AMELX: variants seen among roughly 807,000 people sequenced by gnomAD.
AMELX encodes amelogenin, X isoform.
In AMELX, 9 loss-of-function variants were observed where a neutral mutation model predicts 15.8. That is an observed-to-expected ratio of 0.57 (90% CI 0.34 to 0.99). AMELX has a LOEUF of 0.99. Ranked by LOEUF, AMELX falls within the 50% of genes least tolerant of loss-of-function variation. The pLI is 0.02. For missense variants in AMELX, 107 were observed against 156.2 expected (o/e 0.68, Z 1.68); for synonymous variants, 61 against 58.8 (o/e 1.04, Z -0.17).
downstream of AMELX, among the ~76,000 whole-genome samples, chrX:11,304,053 G>T (rs1603047908): frequency 1.8e-5 from 2 of 110,953 alleles, no homozygotes; most frequent in Non-Finnish European, 3.8e-5. Flanking sequence ...GATATGACAT[G>T]GAAGTTTTTG....
the AMELX span, among the ~76,000 whole-genome samples, chrX:11,306,726 T>A: frequency 1.4e-4 from 16 of 112,571 alleles, no homozygotes; most frequent in Non-Finnish European, 2.4e-4. Context: ...TCTATAGCTA[T>A]TTTTAATGGC....
the AMELX span, among the ~76,000 whole-genome samples, chrX:11,306,745 A>G: frequency 8.9e-6 from 1 of 112,441 alleles, no homozygotes; most frequent in Non-Finnish European, 1.9e-5. Flanking sequence ...GCAAATGTAA[A>G]TTCAACTCCA....
At chrX:11,297,058 G>A (rs764791490) in intron 3 of AMELX, among the ~76,000 whole-genome samples, 6 of 111,622 alleles carry the variant, frequency 5.4e-5, no homozygotes, top group Non-Finnish European at 7.5e-5. Context: ...AAATATGGCC[G>A]TAAGCTTACC....
intron 2 of AMELX, 47 bp from the exon 3 acceptor site, chrX:11,296,732 C>T (rs1401597423): frequency 1.2e-5 from 14 of 1,138,875 alleles, no homozygotes; most frequent in Non-Finnish European, 1.6e-5. Flanking sequence ...CCTTCACTCT[C>T]TCCCTTCCTC....
At chrX:11,300,565 A>G (rs779253128) in intron 5 of AMELX, 42 bp from the exon 6 acceptor site, 2 of 1,127,253 alleles carry the variant, frequency 1.8e-6, no homozygotes, top group Admixed American at 4.4e-5. Flanking sequence ...CACTAGGAAC[A>G]TTTGTAAATT....
At chrX:11,296,716 T>C in intron 2 of AMELX, 63 bp from the exon 3 acceptor site, 1 of 1,105,718 alleles carries the variant, frequency 9.0e-7, no homozygotes, top group Non-Finnish European at 1.2e-6. Context: ...TCCTCTCTCT[T>C]CTCTTCCTTC....
the AMELX span, among the ~76,000 whole-genome samples, chrX:11,306,113 C>T: frequency 2.7e-5 from 3 of 111,642 alleles, no homozygotes; most frequent in Non-Finnish European, 3.8e-5. Flanking sequence ...CACTGCTCTA[C>T]GTTGGCTGGC....
the AMELX span, among the ~76,000 whole-genome samples, chrX:11,308,944 T>G: frequency 8.9e-6 from 1 of 112,063 alleles, no homozygotes; most frequent in African/African-American, 3.2e-5. Context: ...AATATTCCAA[T>G]AAGCCTGGTT....
At chrX:11,303,950 A>C (rs1200906144), downstream of AMELX, among the ~76,000 whole-genome samples, 2 of 112,227 alleles carry the variant, frequency 1.8e-5, no homozygotes, top group Non-Finnish European at 3.8e-5. Flanking sequence ...TGTTAGCTAC[A>C]GTTCTTGTAA....
chrX:11,298,589 C>T lies in AMELX; in HGVS notation c.186C>T (p.His62=). 1 of 1,211,389 alleles carries T rather than the reference C, an allele frequency of 8.3e-7. No individual in the cohort carries two copies. The highest frequency in any genetic ancestry group is 1.1e-6 in the Non-Finnish European group (1 of 895,501). The change falls in exon 5 of 6, where the codon CAC becomes CAT. Residue 62 remains histidine (H), a synonymous_variant. Transcript: ENST00000380714. ...ACGAGCCCATGGGTGGATGGCTGCA[C>T]CACCAAATCATCCCCGTGCTGTCCC... The part of the protein sequence containing the change: ...YGYEPMGGWL[H]HQIIPVLSQQ...
At chrX:11,302,244 A>G (rs993049234), downstream of AMELX, among the ~76,000 whole-genome samples, 10 of 112,530 alleles carry the variant, frequency 8.9e-5, no homozygotes, top group African/African-American at 3.2e-4. Flanking sequence ...TATTTCCATC[A>G]CCATTCAGTT....
intron 3 of AMELX, 23 bp from the exon 4 acceptor site, chrX:11,298,213 T>C: frequency 8.3e-7 from 1 of 1,210,765 alleles, no homozygotes; most frequent in Non-Finnish European, 1.1e-6. Flanking sequence ...ATCAAATGGG[T>C]TCTAATATCT....
downstream of AMELX, among the ~76,000 whole-genome samples, chrX:11,303,704 G>A (rs2048199362): frequency 9.0e-6 from 1 of 111,463 alleles, no homozygotes; most frequent in Non-Finnish European, 1.9e-5. Flanking sequence ...GCAGGCTCTG[G>A]GGGTGTCAGT....
chrX:11,309,434 C>T, the AMELX span, among the ~76,000 whole-genome samples: 6 of 110,718 alleles, frequency 5.4e-5, no homozygotes, highest in Admixed American at 2.9e-4. Flanking sequence ...ACTAGAGGAT[C>T]TCGGAGGGAG....
chrX:11,297,538 T>G (rs1201643738), intron 3 of AMELX, among the ~76,000 whole-genome samples: 2 of 112,475 alleles, frequency 1.8e-5, no homozygotes, highest in Non-Finnish European at 3.8e-5. Flanking sequence ...TTGTATCGAT[T>G]AAATGCCGTA....
At position 11,298,963 on chromosome X, in the gene AMELX, G is replaced by A. The variant is rs1056143468; in HGVS notation, c.560G>A (p.Arg187Gln). 8 of 1,209,524 alleles carry A rather than the reference G, an allele frequency of 6.6e-6. No individual in the cohort carries two copies. Among genetic ancestry groups the A allele is most frequent in the Admixed American group, 4.4e-5 (2 of 45,857 alleles). Residue 187 changes from arginine to glutamine, a missense_variant, in exon 5 of 6, where the codon CGG becomes CAG. Coordinates refer to ENST00000380714, the MANE Select transcript of AMELX (RefSeq NM_001142.2). ...TGGCCATCAACAGACAAGACCAAGC[G>A]GGAGGAAGTGGTGAGTATATTTTGA... ...EAWPSTDKTKREEVD is the reference protein window; with the variant it reads ...EAWPSTDKTKQEEVD
chrX:11,301,962 A>G (rs773239732), downstream of AMELX, among the ~76,000 whole-genome samples: 4 of 112,330 alleles, frequency 3.6e-5, no homozygotes, highest in African/African-American at 1.3e-4. Context: ...CAATCCCAGC[A>G]TTCAGCCACG....
intron 3 of AMELX, 85 bp downstream of exon 3, chrX:11,296,911 TC>T: frequency 1.8e-6 from 2 of 1,089,333 alleles, no homozygotes; most frequent in Non-Finnish European, 2.5e-6. Context: ...TGATTCTTTA[TC>T]CCAGATGTTT....
At position 11,296,959 on chromosome X, in the gene AMELX, C is replaced by T. The variant is rs188865418; in HGVS notation, c.102+133C>T. The T allele has an allele frequency of 6.0e-3, 5,533 of 927,613 alleles. 20 individuals carry two copies. Among genetic ancestry groups the T allele is most frequent in the South Asian group, 9.2e-3 (438 of 47,534 alleles). 76.4% of individuals were successfully genotyped at this position (927,613 alleles called of 1,213,427 possible). On this transcript the variant is annotated intron_variant, in intron 3 of 5. Transcript: ENST00000380714. ...CTGATTTTACAGTTCCTACCACCAGCTTCCCAGTTTAAGCTCTGATGGTTG... is the reference window on the plus strand; with the variant it reads ...CTGATTTTACAGTTCCTACCACCAGTTTCCCAGTTTAAGCTCTGATGGTTG...
Sources: gnomAD v4.1 joint callset for allele counts (sites outside exome capture counted in the v4.1 genomes callset) on GRCh38, gnomAD v4.1.1 for gene constraint, MANE v1.5 for transcripts, NCBI Gene and HGNC (gene_info 2026-07-23, HGNC 2026-07-21) for gene names.